Variants in SP2 observed in about 807,000 individuals in gnomAD.
SP2 encodes the protein Sp2 transcription factor.
A neutral mutation model predicts 50.1 loss-of-function variants in SP2; 9 were observed. The ratio of observed to expected loss-of-function variants is 0.18; its 90% confidence interval spans 0.11 to 0.31. SP2 has a LOEUF of 0.31. Among genes scored for constraint, SP2 ranks in the 10% least tolerant of loss-of-function variants. The probability of loss-of-function intolerance (pLI) is 1.00; values close to 1 mark genes in which losing one functional copy is unlikely to be tolerated. For synonymous variants in SP2, 313 were observed against 326.6 expected (o/e 0.96, Z 0.45); for missense variants, 581 against 806.5 (o/e 0.72, Z 3.39).
chr17:47,902,620 A>G (rs2034586628), intron 1 of SP2, among the ~76,000 whole-genome samples: 1 of 152,080 alleles, frequency 6.6e-6, no homozygotes, highest in South Asian at 2.1e-4. Flanking sequence ...AGATAAGGAT[A>G]ACTCCCAAGG....
Position 47,923,274 on chromosome 17 carries a change from G to A in SP2, c.1372G>A (p.Gly458Arg). ...GCCTGTCACCATCACCAACACAGGC[G>A]GTGAGGATGGCCCCTGTGGCCAGGG... ...GVPVTITNTG[G>R]QQQLTVQNVS... Residue 458 changes from glycine to arginine, a missense_variant and splice_region_variant, in exon 4 of 7, where the codon GGG (glycine) becomes AGG (arginine). Physicochemically the swap from Gly to Arg is moderately radical, Grantham distance 125. Transcript: ENST00000376741. 6.3e-7 allele frequency: 1 copy of A among 1,598,050 alleles called. No individual in the cohort carries two copies.
chr17:47,922,948 C>A lies in SP2; in HGVS notation c.1060-14C>A. ...TCTTCCAGGCACTGATTTTTTTTCT[C>A]TGGCCCCTCCCAGGTCTACATCCGC... On this transcript the variant is annotated splice_polypyrimidine_tract_variant and intron_variant, in intron 3 of 6. Coordinates refer to ENST00000376741, the MANE Select transcript of SP2 (RefSeq NM_003110.6). The A allele has an allele frequency of 1.3e-6, 2 of 1,589,914 alleles. No individual in the cohort carries two copies. Among genetic ancestry groups the A allele is most frequent in the South Asian group, 1.1e-5 (1 of 88,922 alleles).
In SP2 at chr17:47,926,161, C is replaced by G. The variant is rs9906184; in HGVS notation, c.1741+620C>G. Among the ~76,000 whole-genome samples the G allele has an allele frequency of 9.3e-3, 1,407 of 151,968 alleles. 19 individuals carry two copies. Among genetic ancestry groups the G allele is most frequent in the African/African-American group, 0.03 (1,232 of 41,436 alleles). ...CGAACCCCTGACCTCAGGTAATCCA[C>G]CCACCTTGGCCTCCCAAAGTGCTAG... On this transcript the variant is annotated intron_variant, in intron 6 of 6. Transcript: ENST00000376741.
At chr17:47,918,735 G>A (rs1327015160) in intron 3 of SP2, among the ~76,000 whole-genome samples, 1 of 152,098 alleles carries the variant, frequency 6.6e-6, no homozygotes, top group Non-Finnish European at 1.5e-5. Context: ...ATAAATCCCT[G>A]AAAGTGGGTC....
At chr17:47,902,916 C>T (rs573797195) in intron 1 of SP2, among the ~76,000 whole-genome samples, 45 of 152,296 alleles carry the variant, frequency 3.0e-4, no homozygotes, top group Admixed American at 4.6e-4. Context: ...CCACCACGCC[C>T]GGCTAATTTT....
At chr17:47,900,542 T>C (rs1388925928) in intron 1 of SP2, among the ~76,000 whole-genome samples, 3 of 152,148 alleles carry the variant, frequency 2.0e-5, no homozygotes, top group African/African-American at 7.2e-5. Flanking sequence ...TTTGGGAGGC[T>C]GAGGCAGGCA....
At chr17:47,911,493 T>G in intron 1 of SP2, among the ~76,000 whole-genome samples, 3 of 134,724 alleles carry the variant, frequency 2.2e-5, no homozygotes, top group Admixed American at 7.8e-5. Context: ...GGCAACAGAG[T>G]GAGACTACAT....
chr17:47,920,424 C>G (rs2035405180), intron 3 of SP2, among the ~76,000 whole-genome samples: 1 of 151,862 alleles, frequency 6.6e-6, no homozygotes, highest in Non-Finnish European at 1.5e-5. Context: ...CTAGCTGAGA[C>G]TACAGGCGAG....
chr17:47,916,838 A>G lies in SP2; in HGVS notation c.767A>G (p.Gln256Arg), dbSNP rs762751193. 5 of 1,614,056 alleles carry G rather than the reference A, an allele frequency of 3.1e-6. No homozygotes were observed. Among genetic ancestry groups the G allele is most frequent in the African/African-American group, 1.3e-5 (1 of 74,934 alleles). The change falls in exon 3 of 7, where the codon CAG (glutamine) becomes CGG (arginine). Residue 256 changes from glutamine to arginine, a missense_variant. Transcript: ENST00000376741. This position sits in a 1 kb window ranked among gnomAD's most constrained non-coding sequence, Gnocchi z 4.7. ...AGGAAGAAGAGCCTTCCTGCCTCCC[A>G]GCCCCCTGTGGCTGTGGCTGAGCAG... ...KARKKSLPAS[Q>R]PPVAVAEQVE... is the part of the protein sequence containing the mutation.
At chr17:47,917,175 C>G (rs2035246095) in intron 3 of SP2, 45 bp downstream of exon 3, 2 of 1,528,414 alleles carry the variant, frequency 1.3e-6, no homozygotes, top group East Asian at 4.5e-5. Flanking sequence ...CTCTGGTTAT[C>G]TCTTTTTGGC....
At chr17:47,903,739 A>C (rs147701933) in intron 1 of SP2, among the ~76,000 whole-genome samples, 3,181 of 152,226 alleles carry the variant, frequency 0.021, 41 homozygotes, top group Middle Eastern at 0.037. Flanking sequence ...AGGTGGTCGG[A>C]TCACGAAGTC....
chr17:47,931,128 G>C (rs1225452825), downstream of SP2, among the ~76,000 whole-genome samples: 1 of 152,034 alleles, frequency 6.6e-6, no homozygotes, highest in Admixed American at 6.5e-5. Context: ...AATCACTTGA[G>C]GTCAGGAGTT....
In SP2 at chr17:47,896,270, G is replaced by A; in HGVS notation, c.-17G>A. ...GTGGCGGCGGAGGCGGCGGAGGCCA[G>A]GGAGGAAGATGTCGTAATGAGCGGT... On this transcript the variant is annotated 5_prime_UTR_variant, in exon 1 of 7. Transcript: ENST00000376741. The A allele has an allele frequency of 1.6e-6, 2 of 1,240,278 alleles. No individual in the cohort carries two copies. Among genetic ancestry groups the A allele is most frequent in the Non-Finnish European group, 2.0e-6 (2 of 988,858 alleles). The allele number at this position is 1,240,278 out of a possible 1,614,324, so 76.8% of individuals were successfully genotyped here.
In SP2 at chr17:47,924,975, C is replaced by G. The variant is rs1185358459; in HGVS notation, c.1429C>G (p.Leu477Val). The change falls in exon 5 of 7, where the codon CTG becomes GTG. Residue 477 changes from leucine (L) to valine (V), a missense_variant. Around this residue, in one of 2 missense-constraint regions of SP2, gnomAD observed 184 missense variants for 315.5 expected, o/e 0.58. Coordinates refer to ENST00000376741, the MANE Select transcript of SP2 (RefSeq NM_003110.6). ...VSGNNLTISGLSPTQIQLQME... is the reference protein window; with the variant it reads ...VSGNNLTISGVSPTQIQLQME... ...TGGGAACAACCTGACCATCAGTGGG[C>G]TGAGCCCCACCCAGATCCAGCTGCA... 1 of 1,613,994 alleles carries G rather than the reference C, an allele frequency of 6.2e-7. No homozygotes were observed. Among genetic ancestry groups the G allele is most frequent in the South Asian group, 1.1e-5 (1 of 91,050 alleles).
At position 47,927,788 on chromosome 17, in the gene SP2, G is replaced by A; in HGVS notation, c.1806G>A (p.Lys602=). Residue 602 remains lysine (K), a synonymous_variant, in exon 7 of 7, where the codon AAG becomes AAA. Coordinates refer to ENST00000376741, the MANE Select transcript of SP2 (RefSeq NM_003110.6). ...TCATGAGGAGTGACCACCTCACCAAGCATTACAAGACCCACCTGGTCACGA... is the reference window on the plus strand; with the variant it reads ...TCATGAGGAGTGACCACCTCACCAAACATTACAAGACCCACCTGGTCACGA... ...KRFMRSDHLT[K]HYKTHLVTKN... The A allele has an allele frequency of 6.3e-7, 1 of 1,599,012 alleles. No homozygotes were observed. The highest frequency in any genetic ancestry group is 8.5e-7 in the Non-Finnish European group (1 of 1,172,544).
chr17:47,920,547 A>G (rs541222252), intron 3 of SP2, among the ~76,000 whole-genome samples: 2 of 152,144 alleles, frequency 1.3e-5, no homozygotes, highest in East Asian at 3.9e-4. Context: ...CAGCCTCCCA[A>G]AGTGCTGGGA....
At position 47,919,825 on chromosome 17, in the gene SP2, C is replaced by CTTTTTTTTTTTTTTTT. The variant is rs141856390; in HGVS notation, c.1059+2702_1059+2717dup. The stretch of plus-strand genomic sequence containing the variant: ...TTTGATCTGAAACACTTTGTCATTC[C>CTTTTTTTTTTTTTTTT]TTTTTTTTTTTTTTTTTTTTTTCTG... On this transcript the variant is annotated intron_variant, in intron 3 of 6. Transcript: ENST00000376741. Among the ~76,000 whole-genome samples the CTTTTTTTTTTTTTTTT allele has an allele frequency of 3.2e-4, 30 of 94,802 alleles. 3 individuals carry two copies. The highest frequency in any genetic ancestry group is 4.2e-4 in the East Asian group (1 of 2,372). The allele number at this position is 94,802 out of a possible 152,430, so 62.2% of individuals were successfully genotyped here.
chr17:47,896,357 G>A (rs2034328486), intron 1 of SP2, 64 bp downstream of exon 1: 11 of 1,219,624 alleles, frequency 9.0e-6, no homozygotes, highest in Non-Finnish European at 1.1e-5. Context: ...ACGGGCAGAG[G>A]CCGCGGGGAG....
intron 1 of SP2, chr17:47,897,997 A>G (rs1053096607): frequency 5.3e-5 from 23 of 434,924 alleles, no homozygotes; most frequent in Non-Finnish European, 9.2e-6. Context: ...AAAAGCAACT[A>G]CAAGAAAAAA....
Sources: gnomAD v4.1 joint callset for allele counts (sites outside exome capture counted in the v4.1 genomes callset) on GRCh38, gnomAD v4.1.1 for gene constraint, gnomAD v4.1.1 regional missense constraint, Gnocchi (gnomAD v3.1) non-coding constraint, MANE v1.5 for transcripts, NCBI Gene and HGNC (gene_info 2026-07-23, HGNC 2026-07-21) for gene names.